The following ATP11A variants were observed in gnomAD, a reference collection of about 807,000 sequenced individuals.
ATP11A encodes the protein phospholipid-transporting ATPase IH.
A neutral mutation model predicts 154.4 loss-of-function variants in ATP11A; 81 were observed. The ratio of observed to expected loss-of-function variants is 0.52; its 90% CI spans 0.44 to 0.63. ATP11A has a LOEUF of 0.63. Ranked by LOEUF, ATP11A falls within the 30% of genes least tolerant of loss-of-function variation. The probability of loss-of-function intolerance (pLI) is 0.00; values close to 1 mark genes in which losing one functional copy is unlikely to be tolerated. For synonymous variants in ATP11A, 623 were observed against 585.9 expected, an observed-to-expected ratio of 1.06 and a Z score of -0.91; for missense variants, 1,316 against 1,474.3, an observed-to-expected ratio of 0.89 and a Z score of 1.76.
chr13:112,870,075 A>T (rs1179618127), intron 25 of ATP11A, among the ~76,000 whole-genome samples: 3 of 152,118 alleles, frequency 2.0e-5, no homozygotes, highest in Non-Finnish European at 4.4e-5. Flanking sequence ...AACCACAAGC[A>T]TGTGTAGATC....
At chr13:112,722,739 C>T (rs1439432438) in intron 1 of ATP11A, among the ~76,000 whole-genome samples, 2 of 152,064 alleles carry the variant, frequency 1.3e-5, no homozygotes, top group Non-Finnish European at 2.9e-5. Flanking sequence ...TATGAGTGGC[C>T]GTGGCTTGGA....
chr13:112,872,400 C>A (rs1294293087), intron 26 of ATP11A, among the ~76,000 whole-genome samples: 2 of 152,214 alleles, frequency 1.3e-5, no homozygotes, highest in African/African-American at 4.8e-5. Flanking sequence ...CACCTGAGGT[C>A]AGCAGTTCGA....
intron 1 of ATP11A, among the ~76,000 whole-genome samples, chr13:112,715,407 A>ATCT (rs2139595395): frequency 2.2e-5 from 1 of 46,424 alleles, no homozygotes; most frequent in South Asian, 6.2e-4. Flanking sequence ...CACCTGGCCC[A>ATCT]CCTCCCCACA....
rs2079904169 is a variant in ATP11A, at chr13:112,855,782, A to T, written c.2244-129A>T. The T allele has an allele frequency of 6.0e-6, 5 of 826,874 alleles. No homozygotes were observed. The East Asian group carries it at 1.3e-4, about 21-fold the overall frequency. The allele number at this position is 826,874 out of a possible 1,614,324, so 51.2% of individuals were successfully genotyped here. A position where few individuals can be genotyped will look rare whatever the true frequency, so the allele number is the denominator to read the frequency against. On this transcript the variant is annotated intron_variant, in intron 19 of 29. Coordinates refer to ENST00000375645, the MANE Select transcript of ATP11A (RefSeq NM_015205.3). ...TCAATACTATAAAAATTGTATTGGT[A>T]AAACAAGAAACACTAGTTTCTTAAT...
chr13:112,758,492 C>T (rs567042282), intron 1 of ATP11A, among the ~76,000 whole-genome samples: 5 of 151,488 alleles, frequency 3.3e-5, no homozygotes, highest in South Asian at 2.1e-4. Context: ...GGCACAATCT[C>T]GGCTCACTGC....
chr13:112,763,621 C>T (rs930762059), intron 1 of ATP11A, among the ~76,000 whole-genome samples: 2 of 152,238 alleles, frequency 1.3e-5, no homozygotes, highest in African/African-American at 2.4e-5. Flanking sequence ...CACTCACCAT[C>T]TCTTCTCTCT....
In ATP11A at chr13:112,854,481, A is replaced by G. The variant is rs748784129; in HGVS notation, c.2194A>G (p.Lys732Glu). 1.2e-6 allele frequency: 2 copies of G among 1,612,472 alleles called. No individual in the cohort carries two copies. The highest frequency in any genetic ancestry group is 1.7e-6 in the Non-Finnish European group (2 of 1,180,012). The change falls in exon 19 of 30, where the codon AAG (lysine) becomes GAG (glutamate). Residue 732 changes from lysine (K) to glutamate (E), a missense_variant. Physicochemically the swap from Lys to Glu is moderately conservative, Grantham distance 56. Coordinates refer to ENST00000375645, the MANE Select transcript of ATP11A (RefSeq NM_015205.3). Reference sequence around the variant, plus strand: ...GCACGACGTCCTGTTCGAGCTGAGCAAGACGGTCCTGCGCCACAGCGGGAG... The same window carrying G: ...GCACGACGTCCTGTTCGAGCTGAGCGAGACGGTCCTGCGCCACAGCGGGAG... ...SLHDVLFELSKTVLRHSGSLT... is the reference protein window; with the variant it reads ...SLHDVLFELSETVLRHSGSLT...
rs548443385 is a variant in ATP11A at position 112,882,744 on chromosome 13, C to A, written c.*878C>A. ...GATGTCCATCAGCCACTCGCCAGGG[C>A]ACGGAGCCGTCAGTCCACTGTTACG... On this transcript the variant is annotated 3_prime_UTR_variant, in exon 30 of 30. Transcript: ENST00000375645. This position sits in a 1 kb window ranked among gnomAD's most constrained non-coding sequence, Gnocchi z 5.1. 162 of 400,010 alleles carry A rather than the reference C, an allele frequency of 4.0e-4. No homozygotes were observed. The highest frequency in any genetic ancestry group is 2.8e-3 in the African/African-American group (138 of 48,746). 24.8% of individuals were successfully genotyped at this position (400,010 alleles called of 1,614,324 possible). A position where few individuals can be genotyped will look rare whatever the true frequency, so the allele number is the denominator to read the frequency against.
chr13:112,819,455 A>G (rs754539277), intron 7 of ATP11A, 48 bp downstream of exon 7: 34 of 1,546,574 alleles, frequency 2.2e-5, no homozygotes, highest in Non-Finnish European at 2.7e-5. Context: ...TATGCCCTCA[A>G]CATTGCTCTT....
intron 29 of ATP11A, among the ~76,000 whole-genome samples, chr13:112,879,787 TG>T (rs1395615976): frequency 6.6e-6 from 1 of 152,266 alleles, no homozygotes; most frequent in Non-Finnish European, 1.5e-5. Flanking sequence ...AGTCCTCACG[TG>T]GGGCATATGT....
At chr13:112,775,455 G>T (rs1359780296) in intron 1 of ATP11A, among the ~76,000 whole-genome samples, 1 of 152,194 alleles carries the variant, frequency 6.6e-6, no homozygotes, top group East Asian at 1.9e-4. Context: ...CAGCAGCCTG[G>T]GGCCTCCAGG....
chr13:112,750,389 C>G (rs999516612), intron 1 of ATP11A, among the ~76,000 whole-genome samples: 2 of 29,436 alleles, frequency 6.8e-5, no homozygotes, highest in Non-Finnish European at 1.2e-4. Flanking sequence ...TCGTGAATTT[C>G]TGTCTTAGGG....
chr13:112,703,934 T>C (rs984565523), intron 1 of ATP11A, among the ~76,000 whole-genome samples: 1 of 152,222 alleles, frequency 6.6e-6, no homozygotes, highest in Admixed American at 6.5e-5. Context: ...TGGATCATGA[T>C]CTGGTTCTTC....
chr13:112,816,163 G>T lies in ATP11A; in HGVS notation c.522G>T (p.Gly174=). Residue 174 remains glycine (G), a synonymous_variant, in exon 6 of 30, where the codon GGG becomes GGT. Transcript: ENST00000375645. ...LIFLSSNRGD[G]TCHVTTASLD... is the part of the protein sequence containing the mutation. ...TCCTTTCCAGCAACCGGGGAGATGG[G>T]ACGTGCCACGTCACCACCGCCAGCT... 6.2e-7 allele frequency: 1 copy of T among 1,614,150 alleles called. No homozygotes were observed. Among genetic ancestry groups the T allele is most frequent in the South Asian group, 1.1e-5 (1 of 91,078 alleles).
chr13:112,732,215 A>C (rs117665124), intron 1 of ATP11A, among the ~76,000 whole-genome samples: 2,361 of 152,310 alleles, frequency 0.016, 28 homozygotes, highest in Non-Finnish European at 0.024. Flanking sequence ...TGGTTCCTCC[A>C]TTGCACTCAG....
chr13:112,760,186 T>C (rs1222098937), intron 1 of ATP11A, among the ~76,000 whole-genome samples: 1 of 152,220 alleles, frequency 6.6e-6, no homozygotes, highest in Non-Finnish European at 1.5e-5. Context: ...ATCCAGAAAG[T>C]GGGAATAAAA....
chr13:112,831,818 T>C (rs1313440507), intron 13 of ATP11A, among the ~76,000 whole-genome samples: 5 of 152,062 alleles, frequency 3.3e-5, no homozygotes, highest in Non-Finnish European at 5.9e-5. Flanking sequence ...CGGACACACA[T>C]GCACACACGC....
chr13:112,725,871 G>C (rs1240445532), intron 1 of ATP11A, among the ~76,000 whole-genome samples: 1 of 152,216 alleles, frequency 6.6e-6, no homozygotes, highest in Non-Finnish European at 1.5e-5. Flanking sequence ...GGCTGAGAGA[G>C]ACTCAGGAGC....
At chr13:112,871,926 C>A in intron 26 of ATP11A, 126 bp downstream of exon 26, 2 of 1,062,862 alleles carry the variant, frequency 1.9e-6, no homozygotes, top group Non-Finnish European at 2.8e-6. Flanking sequence ...TCCACCCAGC[C>A]TTGGCTGGCT....
Sources: gnomAD v4.1 joint callset for allele counts (sites outside exome capture counted in the v4.1 genomes callset) on GRCh38, gnomAD v4.1.1 for gene constraint, Gnocchi (gnomAD v3.1) non-coding constraint, MANE v1.5 for transcripts, NCBI Gene and HGNC (gene_info 2026-07-23, HGNC 2026-07-21) for gene names.